The following PTPRN2 variants were observed in gnomAD, a reference collection of about 807,000 sequenced individuals.
The protein encoded by PTPRN2 is protein tyrosine phosphatase receptor type N2.
Under a neutral mutation model 118.8 loss-of-function variants are expected in PTPRN2, and 74 were observed. The observed-to-expected ratio is 0.62, with a 90% CI of 0.52 to 0.76. The LOEUF (loss-of-function observed/expected upper bound fraction) is 0.76, where lower values mean the gene tolerates loss of function less well. Among genes scored for constraint, PTPRN2 ranks in the 30% least tolerant of loss-of-function variants. The probability of loss-of-function intolerance (pLI) is 0.00; values close to 1 mark genes in which losing one functional copy is unlikely to be tolerated. For synonymous variants in PTPRN2, 641 were observed against 608.0 expected (o/e 1.05, Z -0.80); for missense variants, 1,481 against 1,394.4 (o/e 1.06, Z -0.99).
chr7:157,591,782 T>C lies in PTPRN2; in HGVS notation c.2496+3456A>G, dbSNP rs181811795. On this transcript the variant is annotated intron_variant, in intron 17 of 22. Transcript: ENST00000389418. The surrounding 1 kb of genome is among the most constrained non-coding windows in gnomAD (Gnocchi z 4.4). ...TGTGCTAGGAAGCAACTCTCCTCCA[T>C]CCTGCTCTGTGTGGATTTATGGCAT... 9.8e-5 allele frequency among the ~76,000 whole-genome samples: 15 copies of C among 152,352 alleles called. No homozygotes were observed. Among genetic ancestry groups the C allele is most frequent in the African/African-American group, 3.4e-4 (14 of 41,588 alleles).
intron 4 of PTPRN2, among the ~76,000 whole-genome samples, chr7:158,197,403 G>C (rs1022583735): frequency 1.3e-5 from 2 of 152,154 alleles, no homozygotes; most frequent in Non-Finnish European, 2.9e-5. Context: ...TAATGGAATA[G>C]GTTTCCAGGT....
At chr7:158,469,649 AACG>A (rs780787993) in intron 2 of PTPRN2, among the ~76,000 whole-genome samples, 19 of 152,010 alleles carry the variant, frequency 1.2e-4, no homozygotes, top group Non-Finnish European at 2.6e-4. Flanking sequence ...AACAAATGAG[AACG>A]ACAACAGCAA....
intron 19 of PTPRN2, among the ~76,000 whole-genome samples, chr7:157,573,282 A>C (rs976049107): frequency 4.6e-5 from 7 of 152,214 alleles, no homozygotes; most frequent in Non-Finnish European, 1.0e-4. Flanking sequence ...AGGCTCAACT[A>C]TCAGACCAAA....
At chr7:157,957,528 G>T (rs1165303135) in intron 11 of PTPRN2, among the ~76,000 whole-genome samples, 1 of 151,944 alleles carries the variant, frequency 6.6e-6, no homozygotes, top group African/African-American at 2.4e-5. Flanking sequence ...CTTTTAAATA[G>T]TATTATTGTA....
At chr7:157,691,226 T>A (rs1333356115) in intron 12 of PTPRN2, among the ~76,000 whole-genome samples, 1 of 150,738 alleles carries the variant, frequency 6.6e-6, no homozygotes, top group Non-Finnish European at 1.5e-5. Context: ...TTTCAGTGTT[T>A]CTCCCTTTCA....
intron 2 of PTPRN2, among the ~76,000 whole-genome samples, chr7:158,429,984 T>G (rs569590207): frequency 8.5e-5 from 13 of 152,332 alleles, no homozygotes; most frequent in African/African-American, 3.1e-4. Context: ...CTTGGCTCAC[T>G]GCAACCTCTG....
rs1563520503 is a variant in PTPRN2 at position 158,151,068 on chromosome 7, TCCA to T, written c.911-12556_911-12554del. On this transcript the variant is annotated intron_variant, in intron 6 of 22. Transcript: ENST00000389418. ...CCTGCCTGCCCACACTGCCCGCCTTTCCACTCTTGCCCCTGCCTGCCCAAACCG... is the reference window on the plus strand; with the variant it reads ...CCTGCCTGCCCACACTGCCCGCCTTTCTCTTGCCCCTGCCTGCCCAAACCG... Among the ~76,000 whole-genome samples the T allele has an allele frequency of 1.2e-4, 14 of 117,470 alleles. 1 individual carries two copies. The highest frequency in any genetic ancestry group is 4.0e-4 in the African/African-American group (12 of 29,638). The allele number at this position is 117,470 out of a possible 152,430, so 77.1% of individuals were successfully genotyped here. A position where few individuals can be genotyped will look rare whatever the true frequency, so the allele number is the denominator to read the frequency against.
At chr7:157,833,006 G>A (rs1350331857) in intron 12 of PTPRN2, among the ~76,000 whole-genome samples, 2 of 152,008 alleles carry the variant, frequency 1.3e-5, no homozygotes, top group Admixed American at 6.5e-5. Context: ...GTCCAGGAGC[G>A]AGATGTGGCC....
chr7:157,863,773 A>G (rs369785349), intron 12 of PTPRN2: 151 of 152,308 alleles, frequency 9.9e-4, no homozygotes, highest in African/African-American at 3.6e-3. Flanking sequence ...CCTTATCAGA[A>G]AGGGATATCT....
chr7:157,592,752 G>A (rs1001272348), intron 17 of PTPRN2, among the ~76,000 whole-genome samples: 1 of 147,828 alleles, frequency 6.8e-6, no homozygotes, highest in Non-Finnish European at 1.5e-5. Context: ...GAGGGTGGAC[G>A]TGGCACCTAC....
In PTPRN2 at chr7:157,621,404, C is replaced by A; in HGVS notation, c.2302G>T (p.Glu768Ter). The A allele has an allele frequency of 6.2e-7, 1 of 1,614,120 alleles. No individual in the cohort carries two copies. Among genetic ancestry groups the A allele is most frequent in the Non-Finnish European group, 8.5e-7 (1 of 1,180,040 alleles). ...GAGCGGTTCTTGGGCACGTTCTCCT[C>A]CCTCTGGGCCACGAACGAGCTGTTG... The part of the protein sequence containing the change: ...EPNSSFVAQR[E>*]ENVPKNRSLA... The change falls in exon 15 of 23, where the codon GAG (glutamate) becomes TAG (stop). Residue 768 changes from glutamate (E) to a stop codon, truncating the protein, a stop_gained. Coordinates refer to ENST00000389418, the MANE Select transcript of PTPRN2 (RefSeq NM_002847.5). LOFTEE classifies it high-confidence loss of function.
chr7:157,999,624 C>T (rs1276333854), intron 11 of PTPRN2, among the ~76,000 whole-genome samples: 1 of 152,106 alleles, frequency 6.6e-6, no homozygotes, highest in African/African-American at 2.4e-5. Flanking sequence ...TCGGGAGACT[C>T]GTCCACACGA....
intron 5 of PTPRN2, among the ~76,000 whole-genome samples, chr7:158,187,175 G>T (rs370114908): frequency 2.0e-5 from 3 of 152,172 alleles, no homozygotes; most frequent in Non-Finnish European, 4.4e-5. Flanking sequence ...GAGTCATCTC[G>T]CTAATGAACA....
chr7:158,123,647 A>T (rs1415609637), intron 9 of PTPRN2, among the ~76,000 whole-genome samples: 1 of 152,204 alleles, frequency 6.6e-6, no homozygotes, highest in Non-Finnish European at 1.5e-5. Flanking sequence ...GCAGAAAATC[A>T]ATAGAGGAAA....
intron 12 of PTPRN2, among the ~76,000 whole-genome samples, chr7:157,878,545 C>G (rs1795926020): frequency 6.9e-6 from 1 of 144,170 alleles, no homozygotes; most frequent in African/African-American, 2.7e-5. Flanking sequence ...CTTGACGGGT[C>G]AGTGTGATAC....
intron 3 of PTPRN2, among the ~76,000 whole-genome samples, chr7:158,273,611 C>T (rs1418871246): frequency 8.4e-5 from 4 of 47,868 alleles, no homozygotes; most frequent in Non-Finnish European, 1.0e-4. Flanking sequence ...GCCGCAGACA[C>T]GGGGAGCCGC....
chr7:157,666,077 T>C (rs1446163379), intron 13 of PTPRN2, among the ~76,000 whole-genome samples: 1 of 151,516 alleles, frequency 6.6e-6, no homozygotes, highest in African/African-American at 2.4e-5. Flanking sequence ...GGCACATGTA[T>C]ACATATGTAA....
In PTPRN2 at chr7:157,737,192, G is replaced by A. The variant is rs189160664; in HGVS notation, c.1789-54255C>T. Among the ~76,000 whole-genome samples the A allele has an allele frequency of 2.1e-3, 321 of 152,332 alleles. 1 individual carries two copies. The highest frequency in any genetic ancestry group is 3.1e-3 in the Non-Finnish European group (214 of 68,032). On this transcript the variant is annotated intron_variant, in intron 12 of 22. Coordinates refer to ENST00000389418, the MANE Select transcript of PTPRN2 (RefSeq NM_002847.5). The stretch of plus-strand genomic sequence containing the variant: ...CGGTACACACGCCACGTTGCTCCCC[G>A]ATTTTATCTTCATGCGTCTTCCTTC...
chr7:157,769,766 C>T (rs1197300717), intron 12 of PTPRN2, among the ~76,000 whole-genome samples: 2 of 152,240 alleles, frequency 1.3e-5, no homozygotes, highest in African/African-American at 4.8e-5. Context: ...CCCACTCCAC[C>T]ACAGCTCCCT....
Sources: gnomAD v4.1 joint callset for allele counts (sites outside exome capture counted in the v4.1 genomes callset) on GRCh38, gnomAD v4.1.1 for gene constraint, Gnocchi (gnomAD v3.1) non-coding constraint, MANE v1.5 for transcripts, NCBI Gene and HGNC (gene_info 2026-07-23, HGNC 2026-07-21) for gene names.